Variants in KIF3A observed in about 807,000 individuals in gnomAD.
The protein encoded by KIF3A is kinesin-like protein KIF3A.
KIF3A carries 27 observed loss-of-function variants against 92.6 expected under a neutral mutation model. That is an observed-to-expected ratio of 0.29 (90% CI 0.21 to 0.40). The LOEUF (loss-of-function observed/expected upper bound fraction) is 0.40. Ranked by LOEUF, KIF3A falls within the 10% of genes least tolerant of loss-of-function variation. The probability of loss-of-function intolerance (pLI) is 1.00; values close to 1 mark genes in which losing one functional copy is unlikely to be tolerated. For synonymous variants in KIF3A, 250 were observed against 275.4 expected, an observed-to-expected ratio of 0.91 and a Z score of 0.92; for missense variants, 581 against 872.6, an observed-to-expected ratio of 0.67 and a Z score of 4.21.
At chr5:132,731,122 C>CTAGACAAA (rs1754213661) in intron 2 of KIF3A, among the ~76,000 whole-genome samples, 1 of 152,148 alleles carries the variant, frequency 6.6e-6, no homozygotes, top group South Asian at 2.1e-4. Context: ...AATACCAATT[C>CTAGACAAA]TAGACAAATT....
In KIF3A at chr5:132,711,015, T is replaced by C; in HGVS notation, c.1172A>G (p.Asp391Gly). 1 of 1,612,248 alleles carries C rather than the reference T, an allele frequency of 6.2e-7. No homozygotes were observed. Residue 391 changes from aspartate to glycine, a missense_variant, in exon 9 of 19, where the codon GAT (aspartate) becomes GGT (glycine). Transcript: ENST00000403231. ...SGSDISGSEE[D>G]DDEEGEVGED... ...TCCAACCTCACCCTCTTCATCATCATCTTCCTCTGACCCACTGATATCAGA... is the reference window on the plus strand; with the variant it reads ...TCCAACCTCACCCTCTTCATCATCACCTTCCTCTGACCCACTGATATCAGA...
chr5:132,699,512 A>T (rs769466709), intron 17 of KIF3A: 3 of 607,608 alleles, frequency 4.9e-6, no homozygotes, highest in South Asian at 4.6e-5. Context: ...ATTTCCTTGG[A>T]CATAAAAACT....
At position 132,702,059 on chromosome 5, in the gene KIF3A, T is replaced by C. The variant is rs746479350; in HGVS notation, c.1884+28A>G. On this transcript the variant is annotated intron_variant, in intron 15 of 18. Transcript: ENST00000403231. ...TGTTCCTTAATCCCAGTCAAGCGAC[T>C]ATCTCGGTCAGAGAACTTCCTTTTT... 7 of 1,587,388 alleles carry C rather than the reference T, an allele frequency of 4.4e-6. No homozygotes were observed. The Admixed American group carries it at 5.1e-5, about 12-fold the overall frequency.
intron 5 of KIF3A, among the ~76,000 whole-genome samples, chr5:132,719,918 A>C (rs1246919640): frequency 6.6e-6 from 1 of 152,206 alleles, no homozygotes; most frequent in Non-Finnish European, 1.5e-5. Context: ...CAATTTTTTA[A>C]TTTAAATTTT....
At chr5:132,735,612 T>C (rs1754366816) in intron 1 of KIF3A, among the ~76,000 whole-genome samples, 1 of 152,238 alleles carries the variant, frequency 6.6e-6, no homozygotes, top group African/African-American at 2.4e-5. Flanking sequence ...TCCTCTCATC[T>C]ATTCATCACC....
chr5:132,700,730 T>A (rs1753008273), intron 15 of KIF3A, 30 bp from the exon 16 acceptor site: 1 of 1,350,092 alleles, frequency 7.4e-7, no homozygotes, highest in Non-Finnish European at 1.1e-6. Flanking sequence ...TAGCCTATTT[T>A]TAATATTTAA....
chr5:132,711,828 T>C (rs1030805052), intron 8 of KIF3A, among the ~76,000 whole-genome samples: 1 of 152,046 alleles, frequency 6.6e-6, no homozygotes, highest in Non-Finnish European at 1.5e-5. Flanking sequence ...TCACAAGATA[T>C]TTTCAAAAAA....
intron 16 of KIF3A, 101 bp from the exon 17 acceptor site, chr5:132,700,385 A>G: frequency 1.3e-6 from 1 of 776,352 alleles, no homozygotes; most frequent in Non-Finnish European, 2.1e-6. Context: ...CACTAGTAAA[A>G]CATGATTTGA....
At chr5:132,733,886 T>A (rs1581104381) in intron 2 of KIF3A, among the ~76,000 whole-genome samples, 1 of 152,290 alleles carries the variant, frequency 6.6e-6, no homozygotes, top group Middle Eastern at 3.4e-3. Context: ...AGGATAAACT[T>A]CAAAAACATT....
At chr5:132,734,638 T>C (rs1424129658) in intron 1 of KIF3A, among the ~76,000 whole-genome samples, 160 bp from the exon 2 acceptor site, 1 of 152,214 alleles carries the variant, frequency 6.6e-6, no homozygotes, top group Non-Finnish European at 1.5e-5. Context: ...ATCTTACATA[T>C]AGCTGAAAAG....
At chr5:132,724,801 AAAAAAATAT>A (rs1753952632) in intron 4 of KIF3A, among the ~76,000 whole-genome samples, 3 of 34,544 alleles carry the variant, frequency 8.7e-5, no homozygotes, top group African/African-American at 3.8e-4. Context: ...ATAAAAAAAA[AAAAAAATAT>A]ATATATATAT....
intron 2 of KIF3A, among the ~76,000 whole-genome samples, chr5:132,731,237 C>T (rs1192407191): frequency 6.6e-6 from 1 of 152,194 alleles, no homozygotes; most frequent in African/African-American, 2.4e-5. Context: ...AAACTATATA[C>T]TTACATCCCT....
chr5:132,721,189 G>A (rs1309413852), intron 4 of KIF3A, among the ~76,000 whole-genome samples: 1 of 152,162 alleles, frequency 6.6e-6, no homozygotes, highest in African/African-American at 2.4e-5. Context: ...TATATAGGAA[G>A]ACAGAGACAA....
chr5:132,717,615 C>T (rs772649768), intron 5 of KIF3A, among the ~76,000 whole-genome samples: 2 of 150,846 alleles, frequency 1.3e-5, no homozygotes, highest in African/African-American at 2.4e-5. Context: ...GAAAGAAATA[C>T]ATAACATAAT....
intron 4 of KIF3A, among the ~76,000 whole-genome samples, chr5:132,725,036 G>C (rs1753991195): frequency 6.6e-6 from 1 of 150,644 alleles, no homozygotes; most frequent in South Asian, 2.1e-4. Context: ...GTCTAACAGA[G>C]TTGAGAACCA....
chr5:132,720,100 C>A (rs1475194017), intron 5 of KIF3A, among the ~76,000 whole-genome samples: 1 of 152,106 alleles, frequency 6.6e-6, no homozygotes, highest in Non-Finnish European at 1.5e-5. Context: ...GTTCAGCCTC[C>A]CGAGTTGCTG....
chr5:132,704,970 G>GT (rs1430678033), intron 11 of KIF3A, among the ~76,000 whole-genome samples: 1 of 151,832 alleles, frequency 6.6e-6, no homozygotes, highest in Non-Finnish European at 1.5e-5. Flanking sequence ...GTATAGAACT[G>GT]TAAGTCCAGA....
rs1199410424 is a variant in KIF3A, at chr5:132,726,760, GTA to G, written c.281-264_281-263del. Among the ~76,000 whole-genome samples the G allele has an allele frequency of 2.0e-5, 3 of 152,156 alleles. No homozygotes were observed. In the East Asian group the frequency reaches 5.8e-4, roughly 29 times the overall value. On this transcript the variant is annotated intron_variant, in intron 2 of 18. Coordinates refer to ENST00000403231, the MANE Select transcript of KIF3A (RefSeq NM_001300791.2). ...AAGCCCTAAATGCAAAAATCTTCCAGTATATCTAATTATGAGACATTTCTTGT... is the reference window on the plus strand; with the variant it reads ...AAGCCCTAAATGCAAAAATCTTCCAGTATCTAATTATGAGACATTTCTTGT...
intron 5 of KIF3A, among the ~76,000 whole-genome samples, chr5:132,719,908 C>A (rs921154464): frequency 6.6e-6 from 1 of 152,166 alleles, no homozygotes; most frequent in Non-Finnish European, 1.5e-5. Context: ...AAAAAGAATA[C>A]AATTTTTTAA....
Sources: allele counts gnomAD v4.1 joint callset (sites outside exome capture counted in the v4.1 genomes callset), GRCh38; gene constraint gnomAD v4.1.1; transcripts MANE v1.5; gene names NCBI Gene and HGNC (gene_info 2026-07-23, HGNC 2026-07-21).